The following ACAD11 variants were observed in gnomAD, a reference collection of about 807,000 sequenced individuals.
ACAD11 encodes the protein acyl-CoA dehydrogenase family member 11.
A neutral mutation model predicts 102.2 loss-of-function variants in ACAD11; 83 were observed. The observed-to-expected ratio is 0.81, with a 90% CI of 0.68 to 0.97. ACAD11 has a LOEUF of 0.97. Among genes scored for constraint, ACAD11 ranks in the 50% least tolerant of loss-of-function variants. The pLI, the probability that ACAD11 is intolerant of heterozygous loss-of-function variation, is 0.00. For missense variants in ACAD11, 901 were observed against 951.7 expected (o/e 0.95, Z 0.70); for synonymous variants, 324 against 319.8 (o/e 1.01, Z -0.14).
chr3:132,579,615 C>G, intron 13 of ACAD11, 57 bp from the exon 14 acceptor site: 1 of 1,430,850 alleles, frequency 7.0e-7, no homozygotes, highest in Non-Finnish European at 9.8e-7. Flanking sequence ...TTTGACATTT[C>G]ACCTTGAAGG....
Position 132,650,785 on chromosome 3 carries a change from A to G in ACAD11, c.150-5889T>C, listed in dbSNP as rs547554991. 2.0e-5 allele frequency among the ~76,000 whole-genome samples: 3 copies of G among 152,240 alleles called. No individual in the cohort carries two copies. In the East Asian group the frequency reaches 5.8e-4, roughly 29 times the overall value. ...TCACTGACAGCACTACTACCTTGAG[A>G]CCACCGGAACTGGTTTCATTGTGTT... On this transcript the variant is annotated intron_variant, in intron 1 of 19. Transcript: ENST00000264990.
At chr3:132,581,475 A>T (rs528503614) in intron 13 of ACAD11, among the ~76,000 whole-genome samples, 3 of 152,054 alleles carry the variant, frequency 2.0e-5, no homozygotes, top group African/African-American at 7.2e-5. Context: ...AAGTATGCCT[A>T]AAGGGTAATC....
At chr3:132,599,635 T>C in intron 13 of ACAD11, among the ~76,000 whole-genome samples, 1 of 150,496 alleles carries the variant, frequency 6.6e-6, no homozygotes, top group South Asian at 2.1e-4. Context: ...ATTCAAGACC[T>C]ACTTGGAAGG....
chr3:132,610,642 A>T (rs919087338), intron 11 of ACAD11, among the ~76,000 whole-genome samples: 1 of 152,064 alleles, frequency 6.6e-6, no homozygotes, highest in African/African-American at 2.4e-5. Context: ...ATAAATTCCT[A>T]GACACATACA....
At chr3:132,574,929 G>A (rs1013874642) in intron 17 of ACAD11, among the ~76,000 whole-genome samples, 1 of 152,148 alleles carries the variant, frequency 6.6e-6, no homozygotes, top group African/African-American at 2.4e-5. Flanking sequence ...CTGTCTCCCG[G>A]GTTCAAGCAA....
chr3:132,610,426 A>C (rs930035608), intron 11 of ACAD11, among the ~76,000 whole-genome samples: 5 of 152,184 alleles, frequency 3.3e-5, no homozygotes, highest in African/African-American at 9.7e-5. Flanking sequence ...AAACCAACGA[A>C]TCCAGGAGCT....
At chr3:132,619,259 G>A (rs1382853026) in intron 10 of ACAD11, among the ~76,000 whole-genome samples, 2 of 152,100 alleles carry the variant, frequency 1.3e-5, no homozygotes, top group African/African-American at 4.8e-5. Context: ...TTGAACAGTT[G>A]TAAGAGGTTG....
rs566597788 is a variant in ACAD11, at chr3:132,632,850, G to C, written c.703-1371C>G. Among the ~76,000 whole-genome samples, 15 of 152,264 alleles carry C rather than the reference G, an allele frequency of 9.9e-5. No homozygotes were observed. The South Asian group carries it at 2.9e-3, about 29-fold the overall frequency. Reference sequence around the variant, plus strand: ...ATTCTCTTTGAAGCAATTGTGAATGGGAGTTCACTCATGATTTGGCTCTCT... The same window carrying C: ...ATTCTCTTTGAAGCAATTGTGAATGCGAGTTCACTCATGATTTGGCTCTCT... On this transcript the variant is annotated intron_variant, in intron 5 of 19. Transcript: ENST00000264990.
At chr3:132,598,295 G>A (rs553811061) in intron 13 of ACAD11, among the ~76,000 whole-genome samples, 5 of 152,180 alleles carry the variant, frequency 3.3e-5, no homozygotes, top group East Asian at 1.9e-4. Context: ...TTAATACTAC[G>A]GGGTGCTAGT....
intron 3 of ACAD11, 97 bp from the exon 4 acceptor site, chr3:132,642,230 T>G (rs1940554006): frequency 8.5e-7 from 1 of 1,181,782 alleles, no homozygotes; most frequent in African/African-American, 1.5e-5. Context: ...TATTTAATAT[T>G]AGAGTATACA....
intron 11 of ACAD11, among the ~76,000 whole-genome samples, chr3:132,606,647 A>C (rs536246593): frequency 3.2e-4 from 48 of 152,372 alleles, no homozygotes; most frequent in African/African-American, 1.1e-3. Context: ...CTTATAGACG[A>C]AACTCCCATC....
At chr3:132,590,636 G>C (rs555776032) in intron 13 of ACAD11, among the ~76,000 whole-genome samples, 42 of 152,296 alleles carry the variant, frequency 2.8e-4, no homozygotes, top group African/African-American at 8.9e-4. Flanking sequence ...AGTGTATTAA[G>C]TGTTCCTTTT....
At chr3:132,635,660 A>G (rs11918640) in intron 5 of ACAD11, among the ~76,000 whole-genome samples, 56,802 of 151,960 alleles carry the variant, frequency 0.37, 13,318 homozygotes, top group East Asian at 0.71. Flanking sequence ...CGGGTAGCAC[A>G]TATAGTTCAT....
At chr3:132,613,158 T>C (rs1939236578) in intron 11 of ACAD11, among the ~76,000 whole-genome samples, 1 of 148,642 alleles carries the variant, frequency 6.7e-6, no homozygotes, top group South Asian at 2.1e-4. Flanking sequence ...TTCTCACTCA[T>C]AGGTGGGAAT....
chr3:132,621,032 G>A (rs1054477668), intron 9 of ACAD11: 3 of 152,190 alleles, frequency 2.0e-5, no homozygotes, highest in African/African-American at 4.8e-5. Flanking sequence ...AATATGAGTG[G>A]TAAAGGAATA....
chr3:132,649,661 T>C (rs890152738), intron 1 of ACAD11: 2 of 152,226 alleles, frequency 1.3e-5, no homozygotes, highest in African/African-American at 4.8e-5. Flanking sequence ...AGGTCCTCCG[T>C]ATGCTGAGCG....
intron 11 of ACAD11, among the ~76,000 whole-genome samples, chr3:132,611,560 A>T (rs910362014): frequency 6.6e-6 from 1 of 152,192 alleles, no homozygotes; most frequent in Non-Finnish European, 1.5e-5. Flanking sequence ...AAAAATCACA[A>T]GCATTCATAT....
chr3:132,642,135 T>A lies in ACAD11; in HGVS notation c.376-2A>T, dbSNP rs1940550956. 6.2e-7 allele frequency: 1 copy of A among 1,611,560 alleles called. No individual in the cohort carries two copies. Among genetic ancestry groups the A allele is most frequent in the Non-Finnish European group, 8.5e-7 (1 of 1,178,520 alleles). On this transcript the variant is annotated splice_acceptor_variant, in intron 3 of 19. Coordinates refer to ENST00000264990, the MANE Select transcript of ACAD11 (RefSeq NM_032169.5). LOFTEE classifies it high-confidence loss of function. The stretch of plus-strand genomic sequence containing the variant: ...TGTTAAATCACGGAAGATTCGACCC[T>A]ATGGAAGTGATTACAACAGATTATT...
Position 132,575,260 on chromosome 3 carries a change from C to T in ACAD11, c.2001+512G>A, listed in dbSNP as rs372059249. Among the ~76,000 whole-genome samples the T allele has an allele frequency of 2.0e-5, 3 of 152,296 alleles. No homozygotes were observed. The East Asian group carries it at 5.8e-4, about 29-fold the overall frequency. The stretch of plus-strand genomic sequence containing the variant: ...TGATAATTCAAAAAGTCATGAATAT[C>T]TCACAAAATGTTGGTCCCATTTCTA... On this transcript the variant is annotated intron_variant, in intron 17 of 19. Transcript: ENST00000264990.
Sources: allele counts gnomAD v4.1 joint callset (sites outside exome capture counted in the v4.1 genomes callset), GRCh38; gene constraint gnomAD v4.1.1; transcripts MANE v1.5; gene names NCBI Gene and HGNC (gene_info 2026-07-23, HGNC 2026-07-21).